The following TTC3 variants were observed in gnomAD, a reference collection of about 807,000 sequenced individuals.
TTC3 encodes the protein tetratricopeptide repeat domain 3, also known as E3 ubiquitin-protein ligase TTC3.
A neutral mutation model predicts 249.6 loss-of-function variants in TTC3; 180 were observed. The observed-to-expected ratio is 0.72, with a 90% CI of 0.64 to 0.82. The LOEUF is 0.82. Ranked by LOEUF, TTC3 falls within the 40% of genes least tolerant of loss-of-function variation. TTC3 has a pLI of 0.00. For synonymous variants in TTC3, 717 were observed against 805.0 expected (o/e 0.89, Z 1.85); for missense variants, 2,061 against 2,398.4 (o/e 0.86, Z 2.94).
At chr21:37,147,496 T>C in exon 22 of TTC3, 1 of 1,606,826 alleles carries the variant, frequency 6.2e-7, no homozygotes, top group East Asian at 2.2e-5. Flanking sequence ...GTTAGAGAAA[T>C]TTGTTGAAGA....
chr21:37,170,368 A>G (rs2081649965), intron 34 of TTC3, among the ~76,000 whole-genome samples: 1 of 152,262 alleles, frequency 6.6e-6, no homozygotes, highest in Non-Finnish European at 1.5e-5. Flanking sequence ...TTTTAAACAT[A>G]TAAACAGATG....
chr21:37,150,897 A>T lies in TTC3; in HGVS notation c.2276+13A>T, dbSNP rs764742770. The T allele has an allele frequency of 1.3e-6, 2 of 1,571,654 alleles. No individual in the cohort carries two copies. Among genetic ancestry groups the T allele is most frequent in the South Asian group, 2.3e-5 (2 of 88,204 alleles). On this transcript the variant is annotated intron_variant, in intron 25 of 45. Transcript: ENST00000355666. ...AGAAATGTTCTAGGTAAGATTTTTA[A>T]CAATCAATCAGTGGTTTGATGATGT... is the stretch of plus-strand genomic sequence containing the variant.
At chr21:37,170,912 G>C (rs999984039) in intron 34 of TTC3, among the ~76,000 whole-genome samples, 1 of 152,116 alleles carries the variant, frequency 6.6e-6, no homozygotes, top group African/African-American at 2.4e-5. Context: ...TTAAACAATA[G>C]TTTTTAAAAG....
intron 36 of TTC3, 53 bp from the exon 37 acceptor site, chr21:37,185,653 C>G (rs2083179388): frequency 3.8e-6 from 4 of 1,060,472 alleles, no homozygotes; most frequent in Non-Finnish European, 5.3e-6. Context: ...GTGTGGGGGT[C>G]CTGTTAAAAA....
At chr21:37,087,390 T>A in exon 2 of TTC3, 1 of 1,613,856 alleles carries the variant, frequency 6.2e-7, no homozygotes, top group Non-Finnish European at 8.5e-7. Flanking sequence ...TCAGCTTTAC[T>A]GTGATGGGGT....
exon 37 of TTC3, chr21:37,185,713 C>G: frequency 6.5e-7 from 1 of 1,544,868 alleles, no homozygotes; most frequent in Non-Finnish European, 8.7e-7. Context: ...TAGGTATACC[C>G]AGAAAAATGA....
In TTC3 at chr21:37,095,180, A is replaced by G. The variant is rs912289025; in HGVS notation, c.688-170A>G. On this transcript the variant is annotated intron_variant, in intron 8 of 45. Coordinates refer to ENST00000355666, the Ensembl canonical transcript of TTC3. ...GTGTGTGTGTATAGTGGGTGTGTAT[A>G]TATATATGTAACAAAATATTGGGTA... Among the ~76,000 whole-genome samples, 6 of 108,606 alleles carry G rather than the reference A, an allele frequency of 5.5e-5. 1 individual carries two copies. Among genetic ancestry groups the G allele is most frequent in the Middle Eastern group, 0.01 (2 of 200 alleles). 71.2% of individuals were successfully genotyped at this position (108,606 alleles called of 152,430 possible).
intron 9 of TTC3, 45 bp downstream of exon 9, chr21:37,095,489 C>A: frequency 1.6e-6 from 2 of 1,266,736 alleles, no homozygotes; most frequent in Non-Finnish European, 2.2e-6. Context: ...TATGGCACAT[C>A]AAGTTAGAAT....
chr21:37,086,589 G>GT (rs752411496), intron 1 of TTC3: 7 of 152,376 alleles, frequency 4.6e-5, no homozygotes, highest in Non-Finnish European at 8.8e-5. Flanking sequence ...TGCAGTAGTT[G>GT]TGAGAGCATT....
chr21:37,115,735 C>A (rs948266628), intron 11 of TTC3, among the ~76,000 whole-genome samples: 2 of 152,200 alleles, frequency 1.3e-5, no homozygotes, highest in Non-Finnish European at 2.9e-5. Context: ...CCCTGGTTCA[C>A]TTTATCTTGG....
chr21:37,183,139 A>G (rs904794427), intron 36 of TTC3, among the ~76,000 whole-genome samples: 4 of 152,198 alleles, frequency 2.6e-5, no homozygotes, highest in Non-Finnish European at 5.9e-5. Context: ...TAAAAGTGAG[A>G]GTAGCATGGA....
chr21:37,112,153 A>G (rs536675250), intron 11 of TTC3, among the ~76,000 whole-genome samples: 36 of 152,240 alleles, frequency 2.4e-4, no homozygotes, highest in Non-Finnish European at 3.8e-4. Flanking sequence ...GCAAGAGCAA[A>G]CACATGCAAA....
intron 18 of TTC3, among the ~76,000 whole-genome samples, chr21:37,136,150 C>G (rs1484918029): frequency 6.6e-6 from 1 of 152,168 alleles, no homozygotes; most frequent in African/African-American, 2.4e-5. Flanking sequence ...TCTCCACCCC[C>G]TTCCTTAAGT....
chr21:37,074,808 T>TG (rs1206696887), intron 1 of TTC3, among the ~76,000 whole-genome samples: 1 of 152,242 alleles, frequency 6.6e-6, no homozygotes, highest in Admixed American at 6.5e-5. Flanking sequence ...TGCGTTTTGG[T>TG]GTCTTTGTTC....
In TTC3 at chr21:37,098,365, C is replaced by G. The variant is rs146217180; in HGVS notation, c.845+1722C>G. 1.4e-3 allele frequency: 227 copies of G among 160,458 alleles called. 2 individuals are homozygous for G. The highest frequency in any genetic ancestry group is 4.9e-3 in the African/African-American group (206 of 41,780). The allele number at this position is 160,458 out of a possible 1,614,324, so 9.9% of individuals were successfully genotyped here. A position where few individuals can be genotyped will look rare whatever the true frequency, so the allele number is the denominator to read the frequency against. On this transcript the variant is annotated intron_variant, in intron 10 of 45. Coordinates refer to ENST00000355666, the Ensembl canonical transcript of TTC3. Reference sequence around the variant, plus strand: ...AGAGGCACACCAGGGTGTTTCTGCTCTCTTTCATGAGTGTTGAATGCTAGA... The same window carrying G: ...AGAGGCACACCAGGGTGTTTCTGCTGTCTTTCATGAGTGTTGAATGCTAGA...
chr21:37,196,483 C>T (rs964142536), intron 42 of TTC3, among the ~76,000 whole-genome samples: 3 of 152,108 alleles, frequency 2.0e-5, no homozygotes, highest in East Asian at 1.9e-4. Flanking sequence ...GTGATTCACC[C>T]GCCTTGGCCT....
exon 46 of TTC3, chr21:37,201,909 A>G (rs1345080487): frequency 2.2e-5 from 5 of 226,290 alleles, no homozygotes; most frequent in Admixed American, 5.6e-5. Flanking sequence ...AACATAGCCA[A>G]GCGCCCCACG....
At chr21:37,115,923 C>T (rs1156514943) in intron 11 of TTC3, among the ~76,000 whole-genome samples, 2 of 152,226 alleles carry the variant, frequency 1.3e-5, no homozygotes, top group Non-Finnish European at 2.9e-5. Context: ...TACTAAAATG[C>T]CAAACACCTC....
intron 10 of TTC3, among the ~76,000 whole-genome samples, chr21:37,097,577 C>G (rs949989450): frequency 6.6e-6 from 1 of 152,152 alleles, no homozygotes; most frequent in African/African-American, 2.4e-5. Flanking sequence ...TTACTTAATT[C>G]TCATTGTCCA....
Sources: allele counts gnomAD v4.1 joint callset (sites outside exome capture counted in the v4.1 genomes callset), GRCh38; gene constraint gnomAD v4.1.1; transcripts MANE v1.5; gene names NCBI Gene and HGNC (gene_info 2026-07-23, HGNC 2026-07-21).